The following IL1RAPL1 variants were observed in gnomAD, a reference collection of about 807,000 sequenced individuals.
IL1RAPL1 encodes the protein interleukin-1 receptor accessory protein-like 1.
In IL1RAPL1, 3 loss-of-function variants were observed where a neutral mutation model predicts 48.4. The observed-to-expected ratio is 0.06, with a 90% CI of 0.03 to 0.16. IL1RAPL1 has a LOEUF of 0.16. IL1RAPL1 is among the 10% of genes least tolerant of loss of function. The probability of loss-of-function intolerance (pLI) is 1.00; values close to 1 mark genes in which losing one functional copy is unlikely to be tolerated. For missense variants in IL1RAPL1, 349 were observed against 530.6 expected (o/e 0.66, Z 3.36); for synonymous variants, 185 against 187.7 (o/e 0.99, Z 0.12).
At chrX:29,633,472 CA>C (rs1924856789) in intron 5 of IL1RAPL1, among the ~76,000 whole-genome samples, 1 of 100,280 alleles carries the variant, frequency 1.0e-5, no homozygotes. Flanking sequence ...TATATATACA[CA>C]CACACACACA....
intron 1 of IL1RAPL1, among the ~76,000 whole-genome samples, chrX:28,614,181 G>GT (rs5901898): frequency 0.43 from 47,413 of 109,939 alleles, 7,511 homozygotes; most frequent in East Asian, 0.63. Flanking sequence ...TTTCGTTCTT[G>GT]TTTTTTTATG....
chrX:29,550,591 C>G (rs1256991110), intron 5 of IL1RAPL1, among the ~76,000 whole-genome samples: 1 of 111,405 alleles, frequency 9.0e-6, no homozygotes, highest in Admixed American at 9.5e-5. Context: ...ACAAAGGTTT[C>G]TTTAAAAATC....
rs1936573286 is a variant in IL1RAPL1 at position 28,793,130 on chromosome X, T to C, written c.82+3705T>C. Reference sequence around the variant, plus strand: ...TTTAGTTTTTATAAGTAGCACTTGATGAAAGAGGCTAAGATGACCAATATT... The same window carrying C: ...TTTAGTTTTTATAAGTAGCACTTGACGAAAGAGGCTAAGATGACCAATATT... On this transcript the variant is annotated intron_variant, in intron 2 of 10. Coordinates refer to ENST00000378993, the MANE Select transcript of IL1RAPL1 (RefSeq NM_014271.4). Among the ~76,000 whole-genome samples the C allele has an allele frequency of 4.6e-5, 5 of 108,547 alleles. No individual in the cohort carries two copies. The South Asian group carries it at 2.0e-3, about 44-fold the overall frequency. The allele number at this position is 108,547 out of a possible 115,157, so 94.3% of individuals were successfully genotyped here.
At chrX:28,662,774 G>T (rs1229550377) in intron 1 of IL1RAPL1, among the ~76,000 whole-genome samples, 1 of 111,593 alleles carries the variant, frequency 9.0e-6, no homozygotes, top group Non-Finnish European at 1.9e-5. Flanking sequence ...AAGGAAGGGG[G>T]TGAGGGGCTG....
chrX:29,793,826 G>A (rs1249431479), intron 6 of IL1RAPL1, among the ~76,000 whole-genome samples: 1 of 111,915 alleles, frequency 8.9e-6, no homozygotes, highest in African/African-American at 3.2e-5. Context: ...TTTGTGCACT[G>A]AAACAGTTAT....
At chrX:29,341,174 A>G (rs1234520532) in intron 3 of IL1RAPL1, among the ~76,000 whole-genome samples, 1 of 110,419 alleles carries the variant, frequency 9.1e-6, no homozygotes, top group African/African-American at 3.3e-5. Flanking sequence ...TTAGTTAGAC[A>G]ACAATATACC....
At chrX:29,200,330 C>G (rs149464615) in intron 2 of IL1RAPL1, among the ~76,000 whole-genome samples, 3,077 of 110,992 alleles carry the variant, frequency 0.028, 107 homozygotes, top group Admixed American at 0.12. Context: ...CACAGCCCCC[C>G]CTTGATTGCA....
chrX:28,947,316 A>T (rs1924332685), intron 2 of IL1RAPL1, among the ~76,000 whole-genome samples: 1 of 111,779 alleles, frequency 8.9e-6, no homozygotes, highest in Non-Finnish European at 1.9e-5. Context: ...TCCCCATTAG[A>T]GTTGATTCAC....
intron 5 of IL1RAPL1, among the ~76,000 whole-genome samples, chrX:29,623,636 A>C (rs966732792): frequency 1.8e-5 from 2 of 112,342 alleles, no homozygotes; most frequent in Admixed American, 1.9e-4. Flanking sequence ...GATTATTTCA[A>C]ACTCATTAAT....
At chrX:28,825,769 AT>A (rs1250689807) in intron 2 of IL1RAPL1, among the ~76,000 whole-genome samples, 1 of 111,357 alleles carries the variant, frequency 9.0e-6, no homozygotes, top group Non-Finnish European at 1.9e-5. Context: ...GTGAATAGTA[AT>A]TGATTAGATT....
At chrX:29,935,378 A>C (rs1335593701) in intron 8 of IL1RAPL1, among the ~76,000 whole-genome samples, 1 of 111,499 alleles carries the variant, frequency 9.0e-6, no homozygotes, top group Non-Finnish European at 1.9e-5. Context: ...AAAAATGGTC[A>C]TTTCTAACTA....
rs778808727 is a variant in IL1RAPL1, at chrX:29,772,046, C to A, written c.778+103542C>A. 2.5e-3 allele frequency among the ~76,000 whole-genome samples: 273 copies of A among 110,180 alleles called. 2 individuals are homozygous for A. The highest frequency in any genetic ancestry group is 8.5e-3 in the African/African-American group (257 of 30,271). ...GCCTCCATGATTCAGTTGCCTCCCACCAGGTCCCTCCCACAACACAGGGGA... is the reference window on the plus strand; with the variant it reads ...GCCTCCATGATTCAGTTGCCTCCCAACAGGTCCCTCCCACAACACAGGGGA... On this transcript the variant is annotated intron_variant, in intron 6 of 10. Coordinates refer to ENST00000378993, the MANE Select transcript of IL1RAPL1 (RefSeq NM_014271.4).
chrX:28,923,301 C>G (rs1239740166), intron 2 of IL1RAPL1, among the ~76,000 whole-genome samples: 2 of 110,449 alleles, frequency 1.8e-5, no homozygotes, highest in Non-Finnish European at 1.9e-5. Context: ...CTCAGCCTCC[C>G]AAGTAGCTGG....
At chrX:29,933,274 G>A (rs1217069755) in intron 8 of IL1RAPL1, among the ~76,000 whole-genome samples, 1 of 110,973 alleles carries the variant, frequency 9.0e-6, no homozygotes, top group East Asian at 2.8e-4. Context: ...CATGCCACGT[G>A]TATACCTATG....
intron 5 of IL1RAPL1, among the ~76,000 whole-genome samples, chrX:29,495,088 G>A (rs781716376): frequency 8.9e-6 from 1 of 112,086 alleles, no homozygotes; most frequent in African/African-American, 3.2e-5. Context: ...AGTCATTGAG[G>A]TCTTTCAATT....
At chrX:29,249,634 C>T (rs1931571747) in intron 2 of IL1RAPL1, among the ~76,000 whole-genome samples, 1 of 111,635 alleles carries the variant, frequency 9.0e-6, no homozygotes, top group African/African-American at 3.3e-5. Flanking sequence ...ATATATGAAT[C>T]TGACTCACAT....
intron 2 of IL1RAPL1, among the ~76,000 whole-genome samples, chrX:29,212,870 G>A (rs1322273815): frequency 8.9e-6 from 1 of 112,256 alleles, no homozygotes; most frequent in African/African-American, 3.2e-5. Flanking sequence ...CTGAGGAGAA[G>A]GAACAGGAGG....
At position 29,041,697 on chromosome X, in the gene IL1RAPL1, ATTAG is replaced by A. The variant is rs1374823591; in HGVS notation, c.83-241238_83-241235del. ...AATTCTAATAACCCATATACCGTGT[ATTAG>A]TTCTTTATTTCTTCTACAAACATTT... On this transcript the variant is annotated intron_variant, in intron 2 of 10. Coordinates refer to ENST00000378993, the MANE Select transcript of IL1RAPL1 (RefSeq NM_014271.4). Among the ~76,000 whole-genome samples, 5 of 111,878 alleles carry A rather than the reference ATTAG, an allele frequency of 4.5e-5. No individual in the cohort carries two copies. The East Asian group carries it at 8.5e-4, about 19-fold the overall frequency.
intron 5 of IL1RAPL1, among the ~76,000 whole-genome samples, chrX:29,496,292 C>T (rs1320705572): frequency 9.1e-6 from 1 of 110,149 alleles, no homozygotes; most frequent in Non-Finnish European, 1.9e-5. Context: ...TATCCCCATC[C>T]AAATCTCATG....
Sources: gnomAD v4.1 joint callset for allele counts (sites outside exome capture counted in the v4.1 genomes callset) on GRCh38, gnomAD v4.1.1 for gene constraint, MANE v1.5 for transcripts, NCBI Gene and HGNC (gene_info 2026-07-23, HGNC 2026-07-21) for gene names.